DACH1: variants seen among roughly 807,000 people sequenced by gnomAD.
The protein encoded by DACH1 is dachshund homolog 1.
In DACH1, 12 loss-of-function variants were observed where a neutral mutation model predicts 54.2. The ratio of observed to expected loss-of-function variants is 0.22; its 90% CI spans 0.14 to 0.36. The LOEUF is 0.36. Among genes scored for constraint, DACH1 ranks in the 10% least tolerant of loss-of-function variants. The pLI, the probability that DACH1 is intolerant of heterozygous loss-of-function variation, is 1.00. For synonymous variants in DACH1, 386 were observed against 366.2 expected (o/e 1.05, Z -0.62); for missense variants, 805 against 929.8 (o/e 0.87, Z 1.75).
intron 1 of DACH1, among the ~76,000 whole-genome samples, chr13:71,736,695 A>G (rs1482062549): frequency 1.3e-5 from 2 of 152,200 alleles, no homozygotes; most frequent in Non-Finnish European, 2.9e-5. Context: ...CCAGAAGTAT[A>G]AAAACAATAG....
intron 1 of DACH1, among the ~76,000 whole-genome samples, chr13:71,830,817 A>G (rs1056627100): frequency 2.0e-5 from 3 of 151,890 alleles, no homozygotes; most frequent in African/African-American, 7.2e-5. Flanking sequence ...TTTTAGAACC[A>G]TAACATAAAG....
chr13:71,549,481 A>G (rs950993501), intron 6 of DACH1, among the ~76,000 whole-genome samples: 1 of 152,150 alleles, frequency 6.6e-6, no homozygotes, highest in Admixed American at 6.6e-5. Context: ...TATAGCATTT[A>G]TAAGACTGCT....
At chr13:71,485,120 A>G (rs189279750) in intron 7 of DACH1, among the ~76,000 whole-genome samples, 21 of 152,036 alleles carry the variant, frequency 1.4e-4, no homozygotes, top group African/African-American at 4.8e-4. Context: ...TTCTAATGGT[A>G]GCTCATGTTT....
At chr13:71,642,819 G>A (rs1010258901) in intron 2 of DACH1, among the ~76,000 whole-genome samples, 1 of 151,904 alleles carries the variant, frequency 6.6e-6, no homozygotes, top group Non-Finnish European at 1.5e-5. Flanking sequence ...TCAGGAGTTC[G>A]AGACCAGCCT....
At chr13:71,493,221 C>G (rs1879135909) in intron 6 of DACH1, among the ~76,000 whole-genome samples, 1 of 152,122 alleles carries the variant, frequency 6.6e-6, no homozygotes, top group Admixed American at 6.6e-5. Flanking sequence ...ATTTCTCTCT[C>G]TCTTTCTTTT....
chr13:71,618,984 T>C (rs930458199), intron 3 of DACH1, among the ~76,000 whole-genome samples: 2 of 151,778 alleles, frequency 1.3e-5, no homozygotes, highest in Non-Finnish European at 3.0e-5. Context: ...TATGCATTTT[T>C]TTTTGCATAG....
At chr13:71,765,661 T>C (rs1346189888) in intron 1 of DACH1, among the ~76,000 whole-genome samples, 1 of 152,178 alleles carries the variant, frequency 6.6e-6, no homozygotes, top group African/African-American at 2.4e-5. Context: ...ATGGTTATCA[T>C]AGGATGTGCC....
intron 1 of DACH1, among the ~76,000 whole-genome samples, chr13:71,703,168 C>CA (rs1159845670): frequency 1.8e-4 from 28 of 152,252 alleles, no homozygotes; most frequent in African/African-American, 6.5e-4. Flanking sequence ...TAATAAGTGC[C>CA]ATGTATTATT....
intron 1 of DACH1, among the ~76,000 whole-genome samples, chr13:71,691,146 C>T (rs750926395): frequency 4.6e-5 from 7 of 152,134 alleles, no homozygotes; most frequent in Non-Finnish European, 8.8e-5. Flanking sequence ...TGGAAATGGT[C>T]GACCATCATT....
chr13:71,640,762 A>G (rs1039276943), intron 2 of DACH1, among the ~76,000 whole-genome samples: 5 of 152,106 alleles, frequency 3.3e-5, no homozygotes, highest in African/African-American at 9.7e-5. Context: ...GTGATACTCT[A>G]AACGATGTTT....
chr13:71,780,394 G>T (rs1886321895), intron 1 of DACH1, among the ~76,000 whole-genome samples: 1 of 151,966 alleles, frequency 6.6e-6, no homozygotes, highest in Admixed American at 6.6e-5. Flanking sequence ...GGATTCTGGA[G>T]CACTTTATGT....
In DACH1 at chr13:71,624,231, C is replaced by T. The variant is rs117124345; in HGVS notation, c.1126+6325G>A. On this transcript the variant is annotated intron_variant, in intron 3 of 10. Transcript: ENST00000613252. ...ATAGGGGATGATATTAACCATATGG[C>T]CTATTCTTAATCAATTGAATTACAA... Among the ~76,000 whole-genome samples, 1,372 of 151,786 alleles carry T rather than the reference C, an allele frequency of 9.0e-3. 9 individuals carry two copies. Among genetic ancestry groups the T allele is most frequent in the Non-Finnish European group, 0.012 (842 of 67,818 alleles).
intron 6 of DACH1, among the ~76,000 whole-genome samples, chr13:71,556,692 C>T (rs969605541): frequency 9.2e-5 from 14 of 151,528 alleles, no homozygotes; most frequent in Non-Finnish European, 1.8e-4. Context: ...TTCTATCATG[C>T]TAAGTAAAAT....
intron 9 of DACH1, 113 bp from the exon 10 acceptor site, chr13:71,475,322 G>GTCA: frequency 1.1e-6 from 1 of 922,984 alleles, no homozygotes; most frequent in Non-Finnish European, 1.7e-6. Context: ...GTAAATCTTT[G>GTCA]TCATCTTTTA....
intron 1 of DACH1, among the ~76,000 whole-genome samples, chr13:71,817,527 C>T (rs764551886): frequency 3.3e-5 from 5 of 152,254 alleles, no homozygotes; most frequent in East Asian, 1.9e-4. Context: ...TCAACAATGT[C>T]GCAACAGCTA....
chr13:71,726,387 C>T (rs577637217), intron 1 of DACH1, among the ~76,000 whole-genome samples: 1 of 152,204 alleles, frequency 6.6e-6, no homozygotes, highest in East Asian at 1.9e-4. Context: ...CTCAGCGTGA[C>T]TTAACAAGAA....
At chr13:71,455,383 T>C (rs555511015) in intron 10 of DACH1, among the ~76,000 whole-genome samples, 1 of 152,220 alleles carries the variant, frequency 6.6e-6, no homozygotes, top group South Asian at 2.1e-4. Context: ...TCTACCTATA[T>C]GTGTACCTAT....
At chr13:71,836,460 A>T (rs926441240) in intron 1 of DACH1, among the ~76,000 whole-genome samples, 1 of 152,096 alleles carries the variant, frequency 6.6e-6, no homozygotes, top group Non-Finnish European at 1.5e-5. Flanking sequence ...CAAGTGGCAG[A>T]GAAAAGATCT....
chr13:71,694,384 T>C (rs1397202592), intron 1 of DACH1, among the ~76,000 whole-genome samples: 1 of 152,146 alleles, frequency 6.6e-6, no homozygotes, highest in East Asian at 1.9e-4. Flanking sequence ...GAAAAGGTGA[T>C]GTTAAGATAG....
Sources: allele counts gnomAD v4.1 joint callset (sites outside exome capture counted in the v4.1 genomes callset), GRCh38; gene constraint gnomAD v4.1.1; transcripts MANE v1.5; gene names NCBI Gene and HGNC (gene_info 2026-07-23, HGNC 2026-07-21).